Variants in ARHGAP20 observed in about 807,000 individuals in gnomAD.
ARHGAP20 encodes rho GTPase-activating protein 20.
Under a neutral mutation model 73.7 loss-of-function variants are expected in ARHGAP20, and 34 were observed. The observed-to-expected ratio is 0.46, with a 90% CI of 0.35 to 0.61. The LOEUF (loss-of-function observed/expected upper bound fraction) is 0.61, where lower values mean the gene tolerates loss of function less well. Ranked by LOEUF, ARHGAP20 falls within the 20% of genes least tolerant of loss-of-function variation. The probability of loss-of-function intolerance (pLI) is 0.00; values close to 1 mark genes in which losing one functional copy is unlikely to be tolerated. For synonymous variants in ARHGAP20, 523 were observed against 518.2 expected (o/e 1.01, Z -0.13); for missense variants, 1,314 against 1,420.9 (o/e 0.92, Z 1.21).
At chr11:110,638,840 G>C (rs1338272281) in intron 2 of ARHGAP20, among the ~76,000 whole-genome samples, 1 of 151,890 alleles carries the variant, frequency 6.6e-6, no homozygotes, top group African/African-American at 2.4e-5. Flanking sequence ...TCACACACTG[G>C]GGACTGTTGC....
intron 9 of ARHGAP20, among the ~76,000 whole-genome samples, chr11:110,605,750 GT>G (rs1297560890): frequency 2.0e-5 from 3 of 152,202 alleles, no homozygotes; most frequent in Non-Finnish European, 4.4e-5. Flanking sequence ...GGTAGCCTCA[GT>G]GATCTCTCAA....
chr11:110,591,887 ATTTTTCC>A (rs1947836883), intron 10 of ARHGAP20, 83 bp downstream of exon 10: 2 of 1,370,700 alleles, frequency 1.5e-6, no homozygotes, highest in African/African-American at 2.9e-5. Flanking sequence ...GGTGTCTATA[ATTTTTCC>A]ATTTGGGGAC....
At chr11:110,595,431 C>G (rs1413763669) in intron 9 of ARHGAP20, among the ~76,000 whole-genome samples, 3 of 152,218 alleles carry the variant, frequency 2.0e-5, no homozygotes, top group African/African-American at 7.2e-5. Flanking sequence ...AGCTGATAAG[C>G]AACTTCAGCA....
intron 3 of ARHGAP20, among the ~76,000 whole-genome samples, chr11:110,625,737 C>T (rs1485750540): frequency 6.6e-6 from 1 of 152,138 alleles, no homozygotes; most frequent in Non-Finnish European, 1.5e-5. Context: ...TCAGGTTTAA[C>T]ACTAGCAGGG....
intron 3 of ARHGAP20, among the ~76,000 whole-genome samples, chr11:110,625,811 T>G (rs1948731693): frequency 6.6e-6 from 1 of 152,206 alleles, no homozygotes; most frequent in South Asian, 2.1e-4. Context: ...ACATGGGTAC[T>G]TCTTGGCATT....
At chr11:110,629,227 C>T (rs116997357) in intron 3 of ARHGAP20, among the ~76,000 whole-genome samples, 2,572 of 152,168 alleles carry the variant, frequency 0.017, 32 homozygotes, top group Non-Finnish European at 0.028. Flanking sequence ...TAGAAAGAAG[C>T]AGCCGTTGGA....
At chr11:110,601,425 T>C (rs1948106691) in intron 9 of ARHGAP20, among the ~76,000 whole-genome samples, 1 of 152,232 alleles carries the variant, frequency 6.6e-6, no homozygotes, top group African/African-American at 2.4e-5. Flanking sequence ...GGCAAAGGAA[T>C]GAAGACAAGT....
chr11:110,582,541 G>A (rs1947501426), intron 13 of ARHGAP20, 106 bp from the exon 14 acceptor site: 1 of 680,970 alleles, frequency 1.5e-6, no homozygotes, highest in South Asian at 1.9e-5. Context: ...TCTACCCAGA[G>A]AAAAATTCAT....
chr11:110,684,136 A>G lies in ARHGAP20; in HGVS notation c.188+6411T>C, dbSNP rs1343928466. Among the ~76,000 whole-genome samples, 4 of 152,150 alleles carry G rather than the reference A, an allele frequency of 2.6e-5. No individual in the cohort carries two copies. In the East Asian group the frequency reaches 5.8e-4, roughly 22 times the overall value. ...TATATAAAAAGATATATAGTGTGTTATAGGAACATGGATGTTATTTATGAA... is the reference window on the plus strand; with the variant it reads ...TATATAAAAAGATATATAGTGTGTTGTAGGAACATGGATGTTATTTATGAA... On this transcript the variant is annotated intron_variant, in intron 2 of 14. Transcript: ENST00000683387.
chr11:110,626,424 G>A (rs1338064588), intron 3 of ARHGAP20, among the ~76,000 whole-genome samples: 1 of 152,102 alleles, frequency 6.6e-6, no homozygotes, highest in Non-Finnish European at 1.5e-5. Flanking sequence ...TAAAAATAAT[G>A]GCCAATATTT....
chr11:110,601,829 C>T (rs745859806), intron 9 of ARHGAP20, among the ~76,000 whole-genome samples: 1 of 151,804 alleles, frequency 6.6e-6, no homozygotes, highest in Non-Finnish European at 1.5e-5. Flanking sequence ...ACTAAAAATA[C>T]AAAAAATACT....
intron 11 of ARHGAP20, among the ~76,000 whole-genome samples, chr11:110,587,837 T>C (rs2134813237): frequency 6.6e-6 from 1 of 152,360 alleles, no homozygotes; most frequent in East Asian, 1.9e-4. Flanking sequence ...TTATATCTTC[T>C]AGCAGAAATG....
At chr11:110,677,888 G>A (rs974756964) in intron 2 of ARHGAP20, among the ~76,000 whole-genome samples, 5 of 151,866 alleles carry the variant, frequency 3.3e-5, no homozygotes, top group African/African-American at 1.2e-4. Context: ...ATACCCAAGA[G>A]GAATGAAACA....
At chr11:110,695,607 T>A (rs935277237) in intron 1 of ARHGAP20, among the ~76,000 whole-genome samples, 1 of 151,470 alleles carries the variant, frequency 6.6e-6, no homozygotes, top group Non-Finnish European at 1.5e-5. Context: ...ATCAGGGAAA[T>A]GCAAATCAAA....
intron 2 of ARHGAP20, among the ~76,000 whole-genome samples, chr11:110,668,867 A>C (rs1221020208): frequency 1.3e-5 from 2 of 152,186 alleles, no homozygotes; most frequent in African/African-American, 4.8e-5. Flanking sequence ...AGGCAATTAA[A>C]AGGGAAAGGA....
At chr11:110,681,755 G>A (rs892389522) in intron 2 of ARHGAP20, among the ~76,000 whole-genome samples, 1 of 152,184 alleles carries the variant, frequency 6.6e-6, no homozygotes, top group Non-Finnish European at 1.5e-5. Flanking sequence ...CACAACAGGA[G>A]TGAATGAACC....
At chr11:110,612,630 G>C (rs968697635) in intron 6 of ARHGAP20, among the ~76,000 whole-genome samples, 1 of 151,776 alleles carries the variant, frequency 6.6e-6, no homozygotes, top group African/African-American at 2.4e-5. Flanking sequence ...TGACAGAGAA[G>C]GATTAAATAG....
rs925249394 is a variant in ARHGAP20 at position 110,702,278 on chromosome 11, C to G, written c.105+9849G>C. Among the ~76,000 whole-genome samples, 246 of 152,178 alleles carry G rather than the reference C, an allele frequency of 1.6e-3. 1 individual carries two copies. Among genetic ancestry groups the G allele is most frequent in the Non-Finnish European group, 1.2e-3 (81 of 68,002 alleles). ...TCCAGCATATAAACAGAACCAAAGA[C>G]AAAAACCACATGATTATCTCAATAG... is the stretch of plus-strand genomic sequence containing the variant. On this transcript the variant is annotated intron_variant, in intron 1 of 14. Transcript: ENST00000683387.
intron 6 of ARHGAP20, among the ~76,000 whole-genome samples, chr11:110,613,054 G>T (rs932097538): frequency 6.6e-6 from 1 of 152,138 alleles, no homozygotes; most frequent in African/African-American, 2.4e-5. Context: ...GTCTTATAAC[G>T]TGAAGAATCT....
Sources: gnomAD v4.1 joint callset for allele counts (sites outside exome capture counted in the v4.1 genomes callset) on GRCh38, gnomAD v4.1.1 for gene constraint, MANE v1.5 for transcripts, NCBI Gene and HGNC (gene_info 2026-07-23, HGNC 2026-07-21) for gene names.